The following STON2 variants were observed in gnomAD, a reference collection of about 807,000 sequenced individuals.
STON2 encodes stonin 2, also known as stonin-2.
In STON2, 29 loss-of-function variants were observed where a neutral mutation model predicts 65.7. The ratio of observed to expected loss-of-function variants is 0.44; its 90% CI spans 0.33 to 0.60. STON2 has a LOEUF of 0.60. Ranked by LOEUF, STON2 falls within the 20% of genes least tolerant of loss-of-function variation. STON2 has a pLI of 0.03. For synonymous variants in STON2, 404 were observed against 414.2 expected, an observed-to-expected ratio of 0.98 and a Z score of 0.30; for missense variants, 1,054 against 1,118.1, an observed-to-expected ratio of 0.94 and a Z score of 0.82.
At chr14:81,385,944 G>C (rs7158981) in intron 3 of STON2, among the ~76,000 whole-genome samples, 31,088 of 152,064 alleles carry the variant, frequency 0.2, 4,046 homozygotes, top group East Asian at 0.44. Flanking sequence ...CTGGCCCCCC[G>C]CTGCAGAGGC....
intron 3 of STON2, among the ~76,000 whole-genome samples, chr14:81,374,041 C>G: frequency 9.1e-6 from 1 of 109,796 alleles, no homozygotes; most frequent in Admixed American, 1.2e-4. Context: ...GACAGACTCT[C>G]GCTTTGCTGC....
chr14:81,405,152 C>A (rs1028690800), upstream of STON2, among the ~76,000 whole-genome samples: 3 of 152,116 alleles, frequency 2.0e-5, no homozygotes, highest in African/African-American at 7.2e-5. Context: ...AAAACTAAGT[C>A]AGTATTTCTT....
At chr14:81,414,351 A>T (rs1901316875) in intron 2 of STON2, among the ~76,000 whole-genome samples, 1 of 152,200 alleles carries the variant, frequency 6.6e-6, no homozygotes, top group African/African-American at 2.4e-5. Context: ...GAGAAGCCGT[A>T]GCAAAAGAAA....
At chr14:81,345,745 A>C (rs922905204) in intron 4 of STON2, among the ~76,000 whole-genome samples, 4 of 151,940 alleles carry the variant, frequency 2.6e-5, no homozygotes, top group African/African-American at 7.3e-5. Flanking sequence ...TGGGCGACAG[A>C]GCCAGACTTT....
In STON2 at chr14:81,396,220, G is replaced by A. The variant is rs201178866; in HGVS notation, c.89-42C>T. 124 of 1,542,826 alleles carry A rather than the reference G, an allele frequency of 8.0e-5. No individual in the cohort carries two copies. The East Asian group carries it at 2.4e-3, about 30-fold the overall frequency. On this transcript the variant is annotated intron_variant, in intron 2 of 7. Coordinates refer to ENST00000614646, the MANE Select transcript of STON2 (RefSeq NM_001394390.1). Reference sequence around the variant, plus strand: ...ACGCCACCATCATGTGAGGAAGGCCGCTCTTCAGAGCCATCTCATGGAGGC... The same window carrying A: ...ACGCCACCATCATGTGAGGAAGGCCACTCTTCAGAGCCATCTCATGGAGGC...
At chr14:81,390,239 G>C (rs1900015622) in intron 3 of STON2, among the ~76,000 whole-genome samples, 1 of 151,802 alleles carries the variant, frequency 6.6e-6, no homozygotes, top group Non-Finnish European at 1.5e-5. Flanking sequence ...GACAAGTAGT[G>C]GTTGAAAGAC....
intron 2 of STON2, among the ~76,000 whole-genome samples, chr14:81,420,190 G>C (rs761571834): frequency 6.6e-6 from 1 of 152,214 alleles, no homozygotes; most frequent in African/African-American, 2.4e-5. Context: ...TCGGATGGCC[G>C]AATGATTCAG....
chr14:81,268,428 A>C lies in STON2; in HGVS notation c.2854T>G (p.Cys952Gly). The change falls in exon 8 of 8, where the codon TGT becomes GGT. Residue 952 changes from cysteine to glycine, a missense_variant. Physicochemically the swap from Cys to Gly is radical, Grantham distance 159. Transcript: ENST00000614646. ...EGDEMENPKECGVQ is the reference protein window; with the variant it reads ...EGDEMENPKEGGVQ ...GCAAGGCTTTGTCACTGCACTCCAC[A>C]CTCCTTGGGATTTTCCATTTCATCT... The C allele has an allele frequency of 7.8e-7, 1 of 1,289,006 alleles. No homozygotes were observed. The highest frequency in any genetic ancestry group is 5.6e-5 in the East Asian group (1 of 17,996). 79.8% of individuals were successfully genotyped at this position (1,289,006 alleles called of 1,614,324 possible).
chr14:81,358,871 G>A (rs192522244), intron 4 of STON2, among the ~76,000 whole-genome samples: 1 of 152,046 alleles, frequency 6.6e-6, no homozygotes, highest in African/African-American at 2.4e-5. Context: ...CCCCAATATC[G>A]AAGCACCTAA....
intron 4 of STON2, among the ~76,000 whole-genome samples, chr14:81,341,037 A>C (rs1595371714): frequency 6.6e-6 from 1 of 152,272 alleles, no homozygotes; most frequent in South Asian, 2.1e-4. Context: ...CTCTGTAAAA[A>C]GGAAGGACAT....
chr14:81,340,450 C>T (rs1897562907), intron 4 of STON2, among the ~76,000 whole-genome samples: 1 of 152,208 alleles, frequency 6.6e-6, no homozygotes, highest in South Asian at 2.1e-4. Context: ...TGGAGAGAAA[C>T]ACAATGGCTC....
At chr14:81,290,959 T>C (rs111981380) in intron 5 of STON2, among the ~76,000 whole-genome samples, 3 of 152,296 alleles carry the variant, frequency 2.0e-5, no homozygotes, top group East Asian at 1.9e-4. Context: ...ACCTGGCACA[T>C]AGCTCAATAA....
At chr14:81,275,157 C>G (rs1894763256) in intron 6 of STON2, among the ~76,000 whole-genome samples, 1 of 151,998 alleles carries the variant, frequency 6.6e-6, no homozygotes, top group South Asian at 2.1e-4. Flanking sequence ...AATAATAAAC[C>G]TTCATGCAGT....
intron 2 of STON2, among the ~76,000 whole-genome samples, chr14:81,424,387 T>C (rs1901863345): frequency 6.6e-6 from 1 of 151,888 alleles, no homozygotes; most frequent in Non-Finnish European, 1.5e-5. Context: ...GAGGTTGCAG[T>C]GAGCCAAGAT....
chr14:81,323,472 T>G (rs1896892939), intron 5 of STON2: 1 of 152,224 alleles, frequency 6.6e-6, no homozygotes, highest in South Asian at 2.1e-4. Flanking sequence ...ATTCAATACC[T>G]TCATGTTCAC....
At position 81,266,811 on chromosome 14, in the gene STON2, CACAT is replaced by C; in HGVS notation, c.*1599_*1602del. On this transcript the variant is annotated 3_prime_UTR_variant, in exon 8 of 8. Coordinates refer to ENST00000614646, the MANE Select transcript of STON2 (RefSeq NM_001394390.1). ...TAACACCGTTCCCATCAACACCACA[CACAT>C]AAACACACACAAACACACACATCCA... is the stretch of plus-strand genomic sequence containing the variant. 1.1e-6 allele frequency: 1 copy of C among 878,096 alleles called. No homozygotes were observed. Among genetic ancestry groups the C allele is most frequent in the South Asian group, 5.3e-5 (1 of 18,716 alleles). 54.4% of individuals were successfully genotyped at this position (878,096 alleles called of 1,614,324 possible). A position where few individuals can be genotyped will look rare whatever the true frequency, so the allele number is the denominator to read the frequency against.
At chr14:81,348,839 C>T (rs1897914624) in intron 4 of STON2, among the ~76,000 whole-genome samples, 1 of 151,714 alleles carries the variant, frequency 6.6e-6, no homozygotes, top group South Asian at 2.1e-4. Context: ...ACTACCTTAG[C>T]TTCAAAATAT....
intron 3 of STON2, among the ~76,000 whole-genome samples, chr14:81,390,503 A>C (rs749141097): frequency 6.6e-6 from 1 of 151,982 alleles, no homozygotes; most frequent in Admixed American, 6.6e-5. Flanking sequence ...AATACCCTGC[A>C]TCGTGAGCTG....
chr14:81,369,591 A>C (rs181008905), intron 4 of STON2, among the ~76,000 whole-genome samples: 1 of 152,358 alleles, frequency 6.6e-6, no homozygotes, highest in East Asian at 1.9e-4. Flanking sequence ...CAAGCATCAC[A>C]TAAGTTATTC....
Sources: gnomAD v4.1 joint callset for allele counts (sites outside exome capture counted in the v4.1 genomes callset) on GRCh38, gnomAD v4.1.1 for gene constraint, MANE v1.5 for transcripts, NCBI Gene and HGNC (gene_info 2026-07-23, HGNC 2026-07-21) for gene names.